The following MINDY3 variants were observed in gnomAD, a reference collection of about 807,000 sequenced individuals.
MINDY3 encodes the protein MINDY lysine 48 deubiquitinase 3, also known as ubiquitin carboxyl-terminal hydrolase MINDY-3.
In MINDY3, 38 loss-of-function variants were observed where a neutral mutation model predicts 69.2. That is an observed-to-expected ratio of 0.55 (90% CI 0.42 to 0.72). The LOEUF is 0.72. Among genes scored for constraint, MINDY3 ranks in the 30% least tolerant of loss-of-function variants. The pLI is 0.00. For missense variants in MINDY3, 522 were observed against 519.0 expected (o/e 1.01, Z -0.06); for synonymous variants, 192 against 180.1 (o/e 1.07, Z -0.53).
chr10:15,799,692 A>G (rs1201464171), intron 10 of MINDY3, among the ~76,000 whole-genome samples: 1 of 152,148 alleles, frequency 6.6e-6, no homozygotes, highest in Non-Finnish European at 1.5e-5. Flanking sequence ...GGAAACTGAA[A>G]AAGGTGAACA....
intron 13 of MINDY3, among the ~76,000 whole-genome samples, chr10:15,783,567 C>G (rs1258667552): frequency 6.6e-6 from 1 of 152,064 alleles, no homozygotes; most frequent in East Asian, 1.9e-4. Flanking sequence ...TAGTTTTTTA[C>G]TACACTGGAA....
intron 1 of MINDY3, among the ~76,000 whole-genome samples, chr10:15,856,702 GTTTGCCAAACAC>G (rs1236110587): frequency 6.6e-6 from 1 of 152,130 alleles, no homozygotes; most frequent in African/African-American, 2.4e-5. Flanking sequence ...CTTTAAAGAA[GTTTGCCAAACAC>G]TGAGCTAAGC....
At chr10:15,853,143 G>C (rs949342496) in intron 1 of MINDY3, among the ~76,000 whole-genome samples, 2 of 152,098 alleles carry the variant, frequency 1.3e-5, no homozygotes, top group African/African-American at 4.8e-5. Context: ...ATAGTTTGAA[G>C]GGTAGTTGGA....
chr10:15,849,959 T>C (rs1038450494), intron 1 of MINDY3, among the ~76,000 whole-genome samples: 1 of 152,184 alleles, frequency 6.6e-6, no homozygotes, highest in African/African-American at 2.4e-5. Flanking sequence ...CATGAGTGAA[T>C]GTTGCGGGAA....
chr10:15,778,917 T>C lies in MINDY3; in HGVS notation c.*75A>G. Reference sequence around the variant, plus strand: ...TCAGTGATACCAGTGTTTAGCTTAATCCAGCCAATTGCCAGTCTTGACTCC... The same window carrying C: ...TCAGTGATACCAGTGTTTAGCTTAACCCAGCCAATTGCCAGTCTTGACTCC... On this transcript the variant is annotated 3_prime_UTR_variant, in exon 15 of 15. Coordinates refer to ENST00000277632, the MANE Select transcript of MINDY3 (RefSeq NM_024948.4). 2 of 1,345,058 alleles carry C rather than the reference T, an allele frequency of 1.5e-6. No homozygotes were observed. The highest frequency in any genetic ancestry group is 4.9e-5 in the East Asian group (2 of 40,842). 83.3% of individuals were successfully genotyped at this position (1,345,058 alleles called of 1,614,324 possible). A position where few individuals can be genotyped will look rare whatever the true frequency, so the allele number is the denominator to read the frequency against.
At position 15,833,699 on chromosome 10, in the gene MINDY3, T is replaced by G; in HGVS notation, c.661A>C (p.Ile221Leu). ...PVYGHGSQSL[I>L]NLLLTGHAVS... Reference sequence around the variant, plus strand: ...GCATGTCCCGTCAGCAGGAGATTAATTAAACTTTGGCTATTAATAAATATT... The same window carrying G: ...GCATGTCCCGTCAGCAGGAGATTAAGTAAACTTTGGCTATTAATAAATATT... Residue 221 changes from isoleucine to leucine, a missense_variant, in exon 8 of 15, where the codon ATT (isoleucine) becomes CTT (leucine). Transcript: ENST00000277632. 1 of 1,608,042 alleles carries G rather than the reference T, an allele frequency of 6.2e-7. No homozygotes were observed. Among genetic ancestry groups the G allele is most frequent in the Non-Finnish European group, 8.5e-7 (1 of 1,174,948 alleles).
intron 6 of MINDY3, among the ~76,000 whole-genome samples, 154 bp from the exon 7 acceptor site, chr10:15,834,770 G>T (rs1832963210): frequency 6.6e-6 from 1 of 152,016 alleles, no homozygotes; most frequent in Non-Finnish European, 1.5e-5. Context: ...GTGCATTTGA[G>T]ATAACTTTAA....
At chr10:15,782,085 C>T (rs1299940933) in intron 14 of MINDY3, 70 bp downstream of exon 14, 4 of 1,110,746 alleles carry the variant, frequency 3.6e-6, no homozygotes, top group South Asian at 2.6e-5. Flanking sequence ...GGGAATCGAA[C>T]ATTGTTACAT....
At chr10:15,810,032 T>C (rs1173270378) in intron 10 of MINDY3, among the ~76,000 whole-genome samples, 3 of 152,164 alleles carry the variant, frequency 2.0e-5, no homozygotes, top group Non-Finnish European at 4.4e-5. Context: ...TAATGATGAT[T>C]CTCAAGTAAA....
chr10:15,837,868 G>C, intron 5 of MINDY3: 1 of 950,202 alleles, frequency 1.1e-6, no homozygotes, highest in Non-Finnish European at 1.3e-6. Context: ...TTAATAAAAG[G>C]TATAGAAAAC....
At position 15,841,437 on chromosome 10, in the gene MINDY3, A is replaced by G; in HGVS notation, c.398T>C (p.Val133Ala). 6.2e-7 allele frequency: 1 copy of G among 1,607,888 alleles called. No homozygotes were observed. Among genetic ancestry groups the G allele is most frequent in the South Asian group, 1.1e-5 (1 of 89,864 alleles). ...AAAATATATCTTACAAGAATGTTCC[A>G]CTTGGCAACTAGACTCTGCAGGACT... The part of the protein sequence containing the change: ...SGSPAESSCQ[V>A]EHSSALAVEE... Residue 133 changes from valine to alanine, a missense_variant, in exon 4 of 15, where the codon GTG becomes GCG. Physicochemically the swap from Val to Ala is moderately conservative, Grantham distance 64. Coordinates refer to ENST00000277632, the MANE Select transcript of MINDY3 (RefSeq NM_024948.4).
intron 13 of MINDY3, among the ~76,000 whole-genome samples, chr10:15,785,895 T>A (rs1176434784): frequency 6.6e-6 from 1 of 152,228 alleles, no homozygotes; most frequent in African/African-American, 2.4e-5. Flanking sequence ...CAGTGCAAAC[T>A]ATACTGATAT....
intron 8 of MINDY3, among the ~76,000 whole-genome samples, chr10:15,830,417 T>C (rs1840377560): frequency 1.3e-5 from 2 of 152,254 alleles, no homozygotes; most frequent in Admixed American, 1.3e-4. Context: ...TGAAGCATCT[T>C]GTTTAATTCC....
chr10:15,802,730 G>A (rs1838350970), intron 10 of MINDY3, among the ~76,000 whole-genome samples: 1 of 151,966 alleles, frequency 6.6e-6, no homozygotes, highest in African/African-American at 2.4e-5. Context: ...ATACAACCCA[G>A]TGATACTGGT....
At chr10:15,828,255 G>C (rs1485096928) in intron 8 of MINDY3, among the ~76,000 whole-genome samples, 2 of 152,184 alleles carry the variant, frequency 1.3e-5, no homozygotes, top group African/African-American at 4.8e-5. Flanking sequence ...GAGGAGTGAA[G>C]TACTGGTACA....
chr10:15,807,325 C>A (rs1838702774), intron 10 of MINDY3, among the ~76,000 whole-genome samples: 1 of 152,108 alleles, frequency 6.6e-6, no homozygotes, highest in Admixed American at 6.6e-5. Flanking sequence ...GAAGAAAGAA[C>A]AGGAGCAACA....
At chr10:15,815,604 CA>C (rs1379344329) in intron 10 of MINDY3, among the ~76,000 whole-genome samples, 5 of 152,138 alleles carry the variant, frequency 3.3e-5, no homozygotes, top group Non-Finnish European at 7.4e-5. Flanking sequence ...GAACATTCAG[CA>C]ACCTATCAAG....
chr10:15,846,349 T>G (rs1489228517), intron 2 of MINDY3, among the ~76,000 whole-genome samples: 1 of 152,200 alleles, frequency 6.6e-6, no homozygotes, highest in Non-Finnish European at 1.5e-5. Flanking sequence ...AGTATTTATA[T>G]AATCTAATTT....
Position 15,837,229 on chromosome 10 carries a change from A to G in MINDY3, c.551T>C (p.Phe184Ser). 6.2e-7 allele frequency: 1 copy of G among 1,602,614 alleles called. No individual in the cohort carries two copies. The highest frequency in any genetic ancestry group is 8.5e-7 in the Non-Finnish European group (1 of 1,172,278). Reference sequence around the variant, plus strand: ...CTTTGTCAGTAATACAGAATACAGAAAAAGCAATACTCCAAATTTATTTCC... The same window carrying G: ...CTTTGTCAGTAATACAGAATACAGAGAAAGCAATACTCCAAATTTATTTCC... ...MWGNKFGVLL[F>S]LYSVLLTKGI... Residue 184 changes from phenylalanine (F) to serine (S), a missense_variant, in exon 6 of 15, where the codon TTT (phenylalanine) becomes TCT (serine). Phe to Ser is a radical substitution (Grantham distance 155). Transcript: ENST00000277632.
Sources: allele counts gnomAD v4.1 joint callset (sites outside exome capture counted in the v4.1 genomes callset), GRCh38; gene constraint gnomAD v4.1.1; transcripts MANE v1.5; gene names NCBI Gene and HGNC (gene_info 2026-07-23, HGNC 2026-07-21).